Variants in STARD13 observed in about 807,000 individuals in gnomAD.
STARD13 encodes StAR related lipid transfer domain containing 13, also known as stAR-related lipid transfer protein 13.
STARD13 carries 62 observed loss-of-function variants against 106.4 expected under a neutral mutation model. The ratio of observed to expected loss-of-function variants is 0.58; its 90% CI spans 0.48 to 0.72. The LOEUF is 0.72. Among genes scored for constraint, STARD13 ranks in the 30% least tolerant of loss-of-function variants. The pLI, the probability that STARD13 is intolerant of heterozygous loss-of-function variation, is 0.00. For missense variants in STARD13, 1,387 were observed against 1,424.0 expected, an observed-to-expected ratio of 0.97 and a Z score of 0.42; for synonymous variants, 565 against 553.0, an observed-to-expected ratio of 1.02 and a Z score of -0.31.
At chr13:33,291,409 C>T (rs1892288997) in intron 1 of STARD13, among the ~76,000 whole-genome samples, 1 of 152,184 alleles carries the variant, frequency 6.6e-6, no homozygotes, top group African/African-American at 2.4e-5. Context: ...GTCAGTATCC[C>T]TTTAAAAATA....
chr13:33,671,734 T>C, the STARD13 span, among the ~76,000 whole-genome samples: 8 of 151,862 alleles, frequency 5.3e-5, no homozygotes, highest in African/African-American at 1.9e-4. Context: ...TGTCTCTAAA[T>C]AAATAAATAA....
chr13:33,455,105 G>A, the STARD13 span, among the ~76,000 whole-genome samples: 2 of 152,276 alleles, frequency 1.3e-5, no homozygotes, highest in African/African-American at 4.8e-5. Flanking sequence ...GAGGGAAAAA[G>A]TCTCCAACAA....
the STARD13 span, among the ~76,000 whole-genome samples, chr13:33,390,608 A>G: frequency 6.6e-6 from 1 of 152,198 alleles, no homozygotes; most frequent in Non-Finnish European, 1.5e-5. Flanking sequence ...TATTGGAAAT[A>G]TAACTCAGGA....
At chr13:33,539,170 C>G in the STARD13 span, among the ~76,000 whole-genome samples, 22 of 152,134 alleles carry the variant, frequency 1.4e-4, no homozygotes, top group Non-Finnish European at 3.1e-4. Flanking sequence ...AAAAAATACA[C>G]TTAGAATAAA....
At chr13:33,466,050 C>T in the STARD13 span, among the ~76,000 whole-genome samples, 1 of 152,070 alleles carries the variant, frequency 6.6e-6, no homozygotes, top group Non-Finnish European at 1.5e-5. Flanking sequence ...TTGTTAAATG[C>T]AGTTCTAATA....
chr13:33,124,644 G>A (rs1874121887), intron 7 of STARD13, among the ~76,000 whole-genome samples: 1 of 152,104 alleles, frequency 6.6e-6, no homozygotes, highest in Admixed American at 6.6e-5. Flanking sequence ...CAGAAGCTAC[G>A]GGGGGCAGGA....
At chr13:33,449,338 A>G in the STARD13 span, among the ~76,000 whole-genome samples, 1 of 152,140 alleles carries the variant, frequency 6.6e-6, no homozygotes, top group Non-Finnish European at 1.5e-5. Flanking sequence ...CAGTTTTCCT[A>G]ACACTATTTA....
chr13:33,328,768 G>A (rs1246507459), intron 1 of STARD13, among the ~76,000 whole-genome samples: 1 of 152,240 alleles, frequency 6.6e-6, no homozygotes, highest in Non-Finnish European at 1.5e-5. Flanking sequence ...ATCAGTGGAG[G>A]TAGGCATCAA....
intron 3 of STARD13, among the ~76,000 whole-genome samples, chr13:33,163,532 G>A (rs112792805): frequency 4.1e-5 from 6 of 144,812 alleles, no homozygotes; most frequent in African/African-American, 1.5e-4. Context: ...AAAGCTTGCA[G>A]TGAACTGAGA....
chr13:33,616,480 G>A, the STARD13 span, among the ~76,000 whole-genome samples: 1 of 152,236 alleles, frequency 6.6e-6, no homozygotes, highest in African/African-American at 2.4e-5. Flanking sequence ...ATCTAGACTG[G>A]AAGAGTTTTG....
intron 1 of STARD13, among the ~76,000 whole-genome samples, chr13:33,194,865 T>G (rs938904479): frequency 6.6e-6 from 1 of 152,274 alleles, no homozygotes; most frequent in Non-Finnish European, 1.5e-5. Flanking sequence ...GACTTTGATT[T>G]ATTTACATTT....
chr13:33,312,010 G>A (rs117116200), intron 1 of STARD13, among the ~76,000 whole-genome samples: 1,851 of 152,336 alleles, frequency 0.012, 17 homozygotes, highest in Middle Eastern at 0.051. Context: ...TACAGGATTT[G>A]TCACCTATTG....
chr13:33,570,605 A>G, the STARD13 span, among the ~76,000 whole-genome samples: 1 of 150,334 alleles, frequency 6.7e-6, no homozygotes, highest in Non-Finnish European at 1.5e-5. Context: ...TTTCTGGTTT[A>G]CTTCCAACCT....
the STARD13 span, among the ~76,000 whole-genome samples, chr13:33,665,389 T>C: frequency 0.22 from 33,464 of 152,196 alleles, 7,156 homozygotes; most frequent in African/African-American, 0.54. Context: ...GAGTTGAAGA[T>C]AGAACATAAG....
the STARD13 span, among the ~76,000 whole-genome samples, chr13:33,401,564 A>G: frequency 6.6e-6 from 1 of 152,200 alleles, no homozygotes; most frequent in Non-Finnish European, 1.5e-5. Context: ...CCGCACTTCC[A>G]TTAGACTTCA....
intron 1 of STARD13, among the ~76,000 whole-genome samples, chr13:33,265,618 AG>A (rs1339742271): frequency 6.6e-6 from 1 of 152,196 alleles, no homozygotes; most frequent in Non-Finnish European, 1.5e-5. Flanking sequence ...TAATGTTAGC[AG>A]TTTAAAATTC....
intron 1 of STARD13, among the ~76,000 whole-genome samples, chr13:33,296,091 T>A (rs1892482136): frequency 6.6e-6 from 1 of 151,684 alleles, no homozygotes; most frequent in Non-Finnish European, 1.5e-5. Flanking sequence ...TAGTTGGGCA[T>A]GGTGGCTCGT....
the STARD13 span, among the ~76,000 whole-genome samples, chr13:33,359,306 G>C: frequency 6.6e-6 from 1 of 151,782 alleles, no homozygotes; most frequent in African/African-American, 2.4e-5. Context: ...AACTCCAGAC[G>C]CGCTGCCTTA....
chr13:33,240,673 T>G (rs1889432912), intron 1 of STARD13, among the ~76,000 whole-genome samples: 1 of 146,694 alleles, frequency 6.8e-6, no homozygotes, highest in Non-Finnish European at 1.5e-5. Context: ...TCCTTAAGTA[T>G]CCTTAAGTTT....
Sources: gnomAD v4.1 joint callset for allele counts (sites outside exome capture counted in the v4.1 genomes callset) on GRCh38, gnomAD v4.1.1 for gene constraint, MANE v1.5 for transcripts, NCBI Gene and HGNC (gene_info 2026-07-23, HGNC 2026-07-21) for gene names.